Variants in PTGER4 observed in about 807,000 individuals in gnomAD.
PTGER4 encodes prostaglandin E2 receptor EP4 subtype.
PTGER4 carries 11 observed loss-of-function variants against 33.2 expected under a neutral mutation model. The observed-to-expected ratio is 0.33, with a 90% CI of 0.21 to 0.55. The LOEUF (loss-of-function observed/expected upper bound fraction) is 0.55, where lower values mean the gene tolerates loss of function less well. PTGER4 is among the 20% of genes least tolerant of loss of function. The pLI, the probability that PTGER4 is intolerant of heterozygous loss-of-function variation, is 0.92. For synonymous variants in PTGER4, 275 were observed against 281.5 expected (o/e 0.98, Z 0.23); for missense variants, 481 against 650.2 (o/e 0.74, Z 2.83).
chr5:40,688,594 G>A (rs1177174669), intron 2 of PTGER4, among the ~76,000 whole-genome samples: 1 of 152,186 alleles, frequency 6.6e-6, no homozygotes, highest in Non-Finnish European at 1.5e-5. Context: ...CACCAACAGG[G>A]TGGGGGACAT....
At chr5:40,726,175 GTA>G in the PTGER4 span, among the ~76,000 whole-genome samples, 1 of 141,536 alleles carries the variant, frequency 7.1e-6, no homozygotes, top group Admixed American at 7.2e-5. Flanking sequence ...ACACACACAC[GTA>G]TATATATATA....
the PTGER4 span, chr5:40,716,474 G>T: frequency 6.3e-7 from 1 of 1,593,064 alleles, no homozygotes; most frequent in Non-Finnish European, 8.5e-7. Context: ...TAGATGTGAA[G>T]GGCTACTTGA....
the PTGER4 span, among the ~76,000 whole-genome samples, chr5:40,726,211 A>ATT: frequency 7.6e-6 from 1 of 131,588 alleles, no homozygotes; most frequent in African/African-American, 3.1e-5. Flanking sequence ...ATACATACAT[A>ATT]TTTTATATAT....
At chr5:40,710,829 A>C in the PTGER4 span, among the ~76,000 whole-genome samples, 12 of 152,178 alleles carry the variant, frequency 7.9e-5, no homozygotes, top group Admixed American at 3.3e-4. Flanking sequence ...TCACAATGCC[A>C]AAAAACCAAA....
the PTGER4 span, among the ~76,000 whole-genome samples, chr5:40,737,970 T>G: frequency 6.6e-6 from 1 of 152,362 alleles, no homozygotes; most frequent in South Asian, 2.1e-4. Context: ...GATGAACATT[T>G]AGGTTGTCCC....
chr5:40,716,206 A>G, the PTGER4 span: 1 of 1,614,128 alleles, frequency 6.2e-7, no homozygotes, highest in Non-Finnish European at 8.5e-7. Context: ...CTTTTCAGTT[A>G]CAGTCTCTAT....
chr5:40,690,137 A>G (rs1425281246), intron 2 of PTGER4, among the ~76,000 whole-genome samples: 2 of 152,096 alleles, frequency 1.3e-5, no homozygotes, highest in Non-Finnish European at 2.9e-5. Context: ...CTCAAGAGTT[A>G]GAGACCAGCC....
At chr5:40,723,028 A>G in the PTGER4 span, among the ~76,000 whole-genome samples, 1 of 152,208 alleles carries the variant, frequency 6.6e-6, no homozygotes, top group Non-Finnish European at 1.5e-5. Flanking sequence ...GAGAGATCGG[A>G]TTGTTACTGT....
chr5:40,692,618 GGCT>G lies in PTGER4; in HGVS notation c.*243_*245del. The G allele has an allele frequency of 1.6e-6, 2 of 1,252,686 alleles. No homozygotes were observed. Among genetic ancestry groups the G allele is most frequent in the East Asian group, 3.5e-5 (1 of 28,586 alleles). 77.6% of individuals were successfully genotyped at this position (1,252,686 alleles called of 1,614,324 possible). ...CAGAGGATTGTGGTCACAACTTGAT[GGCT>G]GCGAAGACCTACCCTCCGTTTTTCT... On this transcript the variant is annotated 3_prime_UTR_variant, in exon 3 of 3. Transcript: ENST00000302472.
chr5:40,709,181 G>A, the PTGER4 span, among the ~76,000 whole-genome samples: 35 of 152,178 alleles, frequency 2.3e-4, no homozygotes, highest in African/African-American at 7.7e-4. Flanking sequence ...AGTTCTGGCC[G>A]GGGCAATCAG....
chr5:40,681,503 C>T lies in PTGER4; in HGVS notation c.510C>T (p.Cys170=), dbSNP rs1168510165. ...SSRLQYPDTW[C]FIDWTTNVTA... The stretch of plus-strand genomic sequence containing the variant: ...GGCTGCAGTACCCAGACACCTGGTG[C>T]TTCATCGACTGGACCACCAACGTGA... Residue 170 remains cysteine, a synonymous_variant, in exon 2 of 3, where the codon TGC becomes TGT. Transcript: ENST00000302472. The surrounding 1 kb of genome is among the most constrained non-coding windows in gnomAD (Gnocchi z 9.8). The T allele has an allele frequency of 1.9e-6, 3 of 1,613,250 alleles. No homozygotes were observed. The African/African-American group carries it at 4.0e-5, about 22-fold the overall frequency.
chr5:40,693,567 C>T lies in PTGER4; in HGVS notation c.*1189C>T, dbSNP rs1195840255. 2 of 985,802 alleles carry T rather than the reference C, an allele frequency of 2.0e-6. No homozygotes were observed. Among genetic ancestry groups the T allele is most frequent in the Non-Finnish European group, 2.4e-6 (2 of 829,886 alleles). 61.1% of individuals were successfully genotyped at this position (985,802 alleles called of 1,614,324 possible). A position where few individuals can be genotyped will look rare whatever the true frequency, so the allele number is the denominator to read the frequency against. ...GTGTAACTCCCAGTGATGCTGTACA[C>T]ATATTTGAAGGGTCTTTCTCAAAGA... On this transcript the variant is annotated 3_prime_UTR_variant, in exon 3 of 3. Transcript: ENST00000302472.
chr5:40,725,825 A>T, the PTGER4 span, among the ~76,000 whole-genome samples: 1 of 131,708 alleles, frequency 7.6e-6, no homozygotes, highest in Admixed American at 8.8e-5. Context: ...TTGCTCTGTC[A>T]CCCAGGCTGG....
At chr5:40,717,037 T>A in the PTGER4 span, among the ~76,000 whole-genome samples, 1 of 152,104 alleles carries the variant, frequency 6.6e-6, no homozygotes, top group Admixed American at 6.6e-5. Context: ...AAGACCAGCC[T>A]GGCCAACACA....
chr5:40,682,653 G>T (rs541508579), intron 2 of PTGER4, among the ~76,000 whole-genome samples: 1 of 152,324 alleles, frequency 6.6e-6, no homozygotes, highest in South Asian at 2.1e-4. Context: ...TATACATAGG[G>T]TATGGGATTT....
At chr5:40,738,070 A>G in the PTGER4 span, among the ~76,000 whole-genome samples, 1 of 152,174 alleles carries the variant, frequency 6.6e-6, no homozygotes, top group Non-Finnish European at 1.5e-5. Context: ...CTGAATTAGT[A>G]TCTAGGAATA....
At chr5:40,697,593 A>AAG (rs1741642390), downstream of PTGER4, among the ~76,000 whole-genome samples, 1 of 125,478 alleles carries the variant, frequency 8.0e-6, no homozygotes, top group Non-Finnish European at 1.7e-5. Flanking sequence ...CAAAAAAAAA[A>AAG]CAAAAAAACA....
In PTGER4 at chr5:40,691,326, C is replaced by A. The variant is rs769887609; in HGVS notation, c.868-453C>A. ...CCTCCCGAGTAGCTGGGACTACAGG[C>A]GCATGCCACCACACCCAGCTAATTT... On this transcript the variant is annotated intron_variant, in intron 2 of 2. Transcript: ENST00000302472. The surrounding 1 kb of genome is among the most constrained non-coding windows in gnomAD (Gnocchi z 4.2). Among the ~76,000 whole-genome samples the A allele has an allele frequency of 2.0e-5, 3 of 152,222 alleles. No homozygotes were observed. The highest frequency in any genetic ancestry group is 6.5e-5 in the Admixed American group (1 of 15,286).
the PTGER4 span, among the ~76,000 whole-genome samples, chr5:40,734,872 A>G: frequency 6.6e-6 from 1 of 152,214 alleles, no homozygotes; most frequent in African/African-American, 2.4e-5. Flanking sequence ...CAGTTAAAAT[A>G]TAAGTGCCGT....
Sources: allele counts gnomAD v4.1 joint callset (sites outside exome capture counted in the v4.1 genomes callset), GRCh38; gene constraint gnomAD v4.1.1; non-coding constraint Gnocchi (gnomAD v3.1); transcripts MANE v1.5; gene names NCBI Gene and HGNC (gene_info 2026-07-23, HGNC 2026-07-21).